Variants in DOCK10 observed in about 807,000 individuals in gnomAD.
The protein encoded by DOCK10 is dedicator of cytokinesis protein 10.
Under a neutral mutation model 280.1 loss-of-function variants are expected in DOCK10, and 145 were observed. The observed-to-expected ratio is 0.52, with a 90% CI of 0.45 to 0.59. The LOEUF (loss-of-function observed/expected upper bound fraction) is 0.59, where lower values mean the gene tolerates loss of function less well. Among genes scored for constraint, DOCK10 ranks in the 20% least tolerant of loss-of-function variants. The pLI is 0.00. For synonymous variants in DOCK10, 915 were observed against 942.2 expected (o/e 0.97, Z 0.53); for missense variants, 2,368 against 2,651.7 (o/e 0.89, Z 2.35).
intron 1 of DOCK10, among the ~76,000 whole-genome samples, chr2:225,008,102 A>C (rs1042423138): frequency 6.6e-6 from 1 of 152,186 alleles, no homozygotes; most frequent in South Asian, 2.1e-4. Context: ...CAGTATATTG[A>C]AGAGTATTTT....
chr2:224,932,496 A>C (rs1434094253), intron 1 of DOCK10, among the ~76,000 whole-genome samples: 1 of 152,164 alleles, frequency 6.6e-6, no homozygotes, highest in Non-Finnish European at 1.5e-5. Context: ...ACAAAATCCA[A>C]AACAGAAAAC....
intron 27 of DOCK10, among the ~76,000 whole-genome samples, chr2:224,827,443 A>G (rs1694944430): frequency 6.6e-6 from 1 of 152,024 alleles, no homozygotes; most frequent in South Asian, 2.1e-4. Context: ...GCTGGACACA[A>G]TCATGCTGGC....
chr2:224,843,185 A>C (rs1696090132), intron 22 of DOCK10, among the ~76,000 whole-genome samples: 1 of 152,150 alleles, frequency 6.6e-6, no homozygotes, highest in South Asian at 2.1e-4. Context: ...TCCCTTCTCC[A>C]CTGAGGAGGG....
chr2:224,878,538 C>G (rs552188178), intron 7 of DOCK10, among the ~76,000 whole-genome samples: 1 of 152,192 alleles, frequency 6.6e-6, no homozygotes, highest in Non-Finnish European at 1.5e-5. Flanking sequence ...GACATTGCCC[C>G]GGCACAACAA....
At chr2:224,929,731 T>C (rs1208702565) in intron 2 of DOCK10, among the ~76,000 whole-genome samples, 7 of 152,184 alleles carry the variant, frequency 4.6e-5, no homozygotes, top group Non-Finnish European at 1.0e-4. Context: ...TCAGAGACAC[T>C]CCTCAATTTA....
At chr2:225,000,706 C>T (rs962667975) in intron 1 of DOCK10, among the ~76,000 whole-genome samples, 4 of 152,062 alleles carry the variant, frequency 2.6e-5, no homozygotes, top group African/African-American at 9.7e-5. Flanking sequence ...AAAATCAGGC[C>T]GGGTGGCTCA....
intron 50 of DOCK10, among the ~76,000 whole-genome samples, chr2:224,781,565 AG>A (rs1333649051): frequency 6.6e-6 from 1 of 152,252 alleles, no homozygotes; most frequent in African/African-American, 2.4e-5. Context: ...ATTTACAAAC[AG>A]GGACACAGAG....
intron 1 of DOCK10, among the ~76,000 whole-genome samples, chr2:224,976,454 A>G (rs1198088183): frequency 1.3e-5 from 2 of 152,162 alleles, no homozygotes; most frequent in African/African-American, 4.8e-5. Flanking sequence ...CAGGACAGAT[A>G]ATAGTCCCCA....
At chr2:224,919,154 G>A (rs1248235376) in intron 2 of DOCK10, among the ~76,000 whole-genome samples, 2 of 149,904 alleles carry the variant, frequency 1.3e-5, no homozygotes, top group Non-Finnish European at 3.0e-5. Flanking sequence ...GTGTGTATGT[G>A]TGGTGTGTGG....
intron 1 of DOCK10, among the ~76,000 whole-genome samples, chr2:225,012,860 G>A (rs1689483432): frequency 6.6e-6 from 1 of 152,162 alleles, no homozygotes; most frequent in South Asian, 2.1e-4. Context: ...GTTGTTTAAT[G>A]CCACAGAGGC....
intron 1 of DOCK10, among the ~76,000 whole-genome samples, chr2:224,993,202 G>GTT (rs112976099): frequency 0.01 from 1,375 of 136,166 alleles, 27 homozygotes; most frequent in African/African-American, 0.035. Flanking sequence ...TTCTTTGGAA[G>GTT]TTTTTTTTTT....
At chr2:224,960,894 C>T (rs1213024797) in intron 1 of DOCK10, among the ~76,000 whole-genome samples, 7 of 152,046 alleles carry the variant, frequency 4.6e-5, no homozygotes, top group East Asian at 1.9e-4. Flanking sequence ...CGCGCGCCAC[C>T]GCGCCCGGCT....
chr2:225,014,082 T>TATATATA (rs143161746), intron 1 of DOCK10, among the ~76,000 whole-genome samples: 3,444 of 45,170 alleles, frequency 0.076, 83 homozygotes, highest in East Asian at 0.15. Context: ...TCTGAATATA[T>TATATATA]TGTTTTTTTT....
Position 224,805,548 on chromosome 2 carries a change from G to T in DOCK10, c.3815-19C>A. On this transcript the variant is annotated intron_variant, in intron 34 of 55. Transcript: ENST00000258390. The surrounding 1 kb of genome is among the most constrained non-coding windows in gnomAD (Gnocchi z 4.3). ...GAAAATGCTGTAAACACAAGCCACA[G>T]CACACGTATGGGAATGAGATGTATG... 1 of 1,611,300 alleles carries T rather than the reference G, an allele frequency of 6.2e-7. No homozygotes were observed. The highest frequency in any genetic ancestry group is 1.3e-5 in the African/African-American group (1 of 74,900).
Position 224,787,343 on chromosome 2 carries a change from G to A in DOCK10, c.5473C>T (p.Arg1825Ter), listed in dbSNP as rs759216323. ...TTGACATCAGCAATGAGTTCATATC[G>A]CTCAGACTTCCAGAGAAACTCCACA... is the stretch of plus-strand genomic sequence containing the variant. ...MCVEFLWKSERYELIADVNKP... is the reference protein window; with the variant it reads ...MCVEFLWKSE Residue 1825 changes from arginine (R) to a stop codon, truncating the protein, a stop_gained, in exon 49 of 56, where the codon CGA becomes TGA. Coordinates refer to ENST00000258390, the MANE Select transcript of DOCK10 (RefSeq NM_014689.3). LOFTEE classifies it high-confidence loss of function. The A allele has an allele frequency of 3.1e-6, 5 of 1,613,664 alleles. No individual in the cohort carries two copies. The highest frequency in any genetic ancestry group is 1.3e-5 in the African/African-American group (1 of 74,868).
chr2:224,813,168 A>G (rs1693897709), intron 31 of DOCK10, among the ~76,000 whole-genome samples: 1 of 152,214 alleles, frequency 6.6e-6, no homozygotes, highest in South Asian at 2.1e-4. Context: ...TACATATATC[A>G]AAACATGTTT....
At chr2:224,981,738 T>C (rs1213708548) in intron 1 of DOCK10, among the ~76,000 whole-genome samples, 1 of 152,232 alleles carries the variant, frequency 6.6e-6, no homozygotes, top group Non-Finnish European at 1.5e-5. Context: ...TGGAAAGGCA[T>C]TTCCTTTGCA....
intron 1 of DOCK10, among the ~76,000 whole-genome samples, chr2:224,976,723 G>T (rs1215512737): frequency 6.6e-6 from 1 of 150,912 alleles, no homozygotes; most frequent in South Asian, 2.1e-4. Context: ...TTGAGGCCAC[G>T]TCATTCACCA....
In DOCK10 at chr2:225,035,979, G is replaced by A. The variant is rs115220550; in HGVS notation, c.123+6273C>T. ...CTCCCAAAGGCCTCACCTCCTAACC[G>A]CATCATATAGGGGGTTAAGGCATCG... On this transcript the variant is annotated intron_variant, in intron 1 of 55. Coordinates refer to ENST00000258390, the MANE Select transcript of DOCK10 (RefSeq NM_014689.3). 7.2e-3 allele frequency among the ~76,000 whole-genome samples: 1,097 copies of A among 151,934 alleles called. 7 individuals carry two copies. Among genetic ancestry groups the A allele is most frequent in the Non-Finnish European group, 9.8e-3 (668 of 67,944 alleles).
Sources: gnomAD v4.1 joint callset for allele counts (sites outside exome capture counted in the v4.1 genomes callset) on GRCh38, gnomAD v4.1.1 for gene constraint, Gnocchi (gnomAD v3.1) non-coding constraint, MANE v1.5 for transcripts, NCBI Gene and HGNC (gene_info 2026-07-23, HGNC 2026-07-21) for gene names.